KIDINS220: variants seen among roughly 807,000 people sequenced by gnomAD.
KIDINS220 encodes the protein kinase D interacting substrate 220, also known as kinase D-interacting substrate of 220 kDa.
A neutral mutation model predicts 157.6 loss-of-function variants in KIDINS220; 63 were observed. The ratio of observed to expected loss-of-function variants is 0.40; its 90% confidence interval spans 0.33 to 0.49. The LOEUF (loss-of-function observed/expected upper bound fraction) is 0.49, where lower values mean the gene tolerates loss of function less well. Ranked by LOEUF, KIDINS220 falls within the 20% of genes least tolerant of loss-of-function variation. The pLI, the probability that KIDINS220 is intolerant of heterozygous loss-of-function variation, is 0.66. For synonymous variants in KIDINS220, 732 were observed against 783.6 expected, an observed-to-expected ratio of 0.93 and a Z score of 1.10; for missense variants, 1,772 against 2,171.2, an observed-to-expected ratio of 0.82 and a Z score of 3.65.
intron 26 of KIDINS220, among the ~76,000 whole-genome samples, chr2:8,741,823 T>A (rs1665666269): frequency 6.6e-6 from 1 of 152,224 alleles, no homozygotes; most frequent in Non-Finnish European, 1.5e-5. Context: ...TTCACTATAC[T>A]TTAATAAGAG....
chr2:8,754,232 G>A (rs1431109127), intron 22 of KIDINS220, among the ~76,000 whole-genome samples: 1 of 152,142 alleles, frequency 6.6e-6, no homozygotes, highest in African/African-American at 2.4e-5. Flanking sequence ...TCAGTATGAT[G>A]AACAATGCTG....
Position 8,731,638 on chromosome 2 carries a change from G to A in KIDINS220, c.4398C>T (p.Ser1466=). Residue 1466 remains serine, a synonymous_variant, in exon 30 of 30, where the codon TCC becomes TCT. Transcript: ENST00000256707. The surrounding 1 kb of genome is among the most constrained non-coding windows in gnomAD (Gnocchi z 5.2). The part of the protein sequence containing the change: ...DVIDYSSSGV[S]TNDASPLDPI... ...GATCCAGGGGGGAAGCATCGTTGGTGGAAACCCCTGATGATGAATAATCGA... is the reference window on the plus strand; with the variant it reads ...GATCCAGGGGGGAAGCATCGTTGGTAGAAACCCCTGATGATGAATAATCGA... 2 of 1,614,152 alleles carry A rather than the reference G, an allele frequency of 1.2e-6. No individual in the cohort carries two copies. The highest frequency in any genetic ancestry group is 1.7e-6 in the Non-Finnish European group (2 of 1,180,034).
At chr2:8,818,313 C>T (rs1362085836) in intron 3 of KIDINS220, among the ~76,000 whole-genome samples, 1 of 152,112 alleles carries the variant, frequency 6.6e-6, no homozygotes, top group African/African-American at 2.4e-5. Context: ...ATTTACCCCT[C>T]ACAAGTGATA....
intron 1 of KIDINS220, among the ~76,000 whole-genome samples, chr2:8,832,091 T>A (rs960817210): frequency 5.3e-5 from 8 of 152,248 alleles, no homozygotes; most frequent in African/African-American, 1.7e-4. Flanking sequence ...CACCCGAGAC[T>A]GAGCAAAGCT....
chr2:8,815,674 GA>G (rs903398599), intron 4 of KIDINS220, among the ~76,000 whole-genome samples: 10 of 150,530 alleles, frequency 6.6e-5, no homozygotes, highest in Non-Finnish European at 1.2e-4. Flanking sequence ...GTCTCAGGGG[GA>G]AAAAAAAATA....
intron 15 of KIDINS220, among the ~76,000 whole-genome samples, chr2:8,788,177 T>TC (rs1299860602): frequency 6.6e-6 from 1 of 152,226 alleles, no homozygotes; most frequent in Non-Finnish European, 1.5e-5. Context: ...CTGAAGTGTT[T>TC]CCCACGGTAT....
At chr2:8,829,902 G>A (rs1679359375) in intron 1 of KIDINS220, among the ~76,000 whole-genome samples, 1 of 151,738 alleles carries the variant, frequency 6.6e-6, no homozygotes, top group Non-Finnish European at 1.5e-5. Context: ...AGGTTTGCAG[G>A]ATCTGGCTCT....
chr2:8,753,086 G>A (rs907761596), intron 22 of KIDINS220, among the ~76,000 whole-genome samples: 5 of 152,080 alleles, frequency 3.3e-5, no homozygotes, highest in South Asian at 2.1e-4. Flanking sequence ...ACGCATCACC[G>A]AGGGATAAAG....
intron 2 of KIDINS220, among the ~76,000 whole-genome samples, chr2:8,823,785 GACT>G (rs1228651920): frequency 6.6e-6 from 1 of 152,016 alleles, no homozygotes; most frequent in African/African-American, 2.4e-5. Flanking sequence ...CTAACAAAAT[GACT>G]ACTTCTGTAA....
chr2:8,831,103 T>C (rs1047081515), intron 1 of KIDINS220, among the ~76,000 whole-genome samples: 35 of 152,354 alleles, frequency 2.3e-4, no homozygotes, highest in African/African-American at 7.9e-4. Context: ...ACAGCTTTAC[T>C]ACTTACAAGT....
chr2:8,826,825 T>C (rs1678878370), intron 2 of KIDINS220, 161 bp downstream of exon 2: 2 of 379,728 alleles, frequency 5.3e-6, no homozygotes, highest in Non-Finnish European at 4.7e-6. Context: ...TCCAAAAACA[T>C]GAAATTTGAA....
chr2:8,749,149 G>A (rs1260062618), intron 24 of KIDINS220, among the ~76,000 whole-genome samples: 1 of 152,148 alleles, frequency 6.6e-6, no homozygotes, highest in African/African-American at 2.4e-5. Flanking sequence ...TCTTTAAACA[G>A]TACCTAATTA....
chr2:8,761,380 C>A (rs540607897), intron 22 of KIDINS220, among the ~76,000 whole-genome samples: 17 of 152,222 alleles, frequency 1.1e-4, no homozygotes, highest in African/African-American at 4.1e-4. Context: ...AAGTATAGAA[C>A]TGAAGTTCTA....
chr2:8,747,970 T>A lies in KIDINS220; in HGVS notation c.3445A>T (p.Arg1149Trp). ...TGTTGGGAGCCGCCAGGGTAATACC[T>A]TGGCGTGTAAAGGTATGGGGCAAAG... ...PFFAPYLYTP[R>W]YYPGGSQHLI... is the part of the protein sequence containing the mutation. Residue 1149 changes from arginine (R) to tryptophan (W), a missense_variant, in exon 25 of 30, where the codon AGG becomes TGG. Physicochemically the swap from Arg to Trp is moderately radical, Grantham distance 101. Around this residue, in one of 3 missense-constraint regions of KIDINS220, gnomAD observed 793 missense variants for 885.5 expected, o/e 0.90. Transcript: ENST00000256707. 1.9e-6 allele frequency: 3 copies of A among 1,597,652 alleles called. No individual in the cohort carries two copies. Among genetic ancestry groups the A allele is most frequent in the Middle Eastern group, 1.7e-4 (1 of 6,028 alleles).
At position 8,800,503 on chromosome 2, in the gene KIDINS220, G is replaced by T; in HGVS notation, c.802-5C>A. The T allele has an allele frequency of 6.3e-7, 1 of 1,589,578 alleles. No individual in the cohort carries two copies. Among genetic ancestry groups the T allele is most frequent in the South Asian group, 1.1e-5 (1 of 87,342 alleles). On this transcript the variant is annotated splice_polypyrimidine_tract_variant and splice_region_variant and intron_variant, in intron 8 of 29. Transcript: ENST00000256707. ...AATCAACACAGTATCCCCACTCTAA[G>T]AAGACAGAAAATAAAAACAAAAACA...
rs565524040 is a variant in KIDINS220, at chr2:8,730,595, G to T, written c.*125C>A. On this transcript the variant is annotated 3_prime_UTR_variant, in exon 30 of 30. Coordinates refer to ENST00000256707, the MANE Select transcript of KIDINS220 (RefSeq NM_020738.4). ...ACACTGCAGATGTCTCTTTTACCTC[G>T]GCCTCATCATCGGTTAGTTATCTGT... The T allele has an allele frequency of 2.7e-5, 39 of 1,444,288 alleles. No individual in the cohort carries two copies. The highest frequency in any genetic ancestry group is 1.4e-4 in the Admixed American group (5 of 35,510). 89.5% of individuals were successfully genotyped at this position (1,444,288 alleles called of 1,614,324 possible). A position where few individuals can be genotyped will look rare whatever the true frequency, so the allele number is the denominator to read the frequency against.
chr2:8,747,796 TCTTTTACTATGTAAAGGAAATAA>T, intron 25 of KIDINS220, 68 bp downstream of exon 25: 1 of 651,746 alleles, frequency 1.5e-6, no homozygotes, highest in Non-Finnish European at 2.4e-6. Flanking sequence ...TCAGTTGCAC[TCTTTTACTATGTAAAGGAAATAA>T]CCAAACCTCA....
intron 11 of KIDINS220, among the ~76,000 whole-genome samples, chr2:8,795,362 A>G (rs1673763081): frequency 6.6e-6 from 1 of 152,262 alleles, no homozygotes; most frequent in Non-Finnish European, 1.5e-5. Flanking sequence ...CAGTAGCAGC[A>G]GCATTTCTGC....
At chr2:8,832,088 G>A (rs780847888) in intron 1 of KIDINS220, among the ~76,000 whole-genome samples, 1 of 152,148 alleles carries the variant, frequency 6.6e-6, no homozygotes, top group Non-Finnish European at 1.5e-5. Flanking sequence ...AAGCACCCGA[G>A]ACTGAGCAAA....
Sources: allele counts gnomAD v4.1 joint callset (sites outside exome capture counted in the v4.1 genomes callset), GRCh38; gene constraint gnomAD v4.1.1; regional missense constraint gnomAD v4.1.1; non-coding constraint Gnocchi (gnomAD v3.1); transcripts MANE v1.5; gene names NCBI Gene and HGNC (gene_info 2026-07-23, HGNC 2026-07-21).